The following RPS19 variants were observed in gnomAD, a reference collection of about 807,000 sequenced individuals.
RPS19 encodes the protein ribosomal protein S19, also known as small ribosomal subunit protein eS19.
A neutral mutation model predicts 20.3 loss-of-function variants in RPS19; 1 was observed. The observed-to-expected ratio is 0.05, with a 90% confidence interval of 0.02 to 0.23. The LOEUF (loss-of-function observed/expected upper bound fraction) is 0.23, where lower values mean the gene tolerates loss of function less well. Ranked by LOEUF, RPS19 falls within the 10% of genes least tolerant of loss-of-function variation. The pLI, the probability that RPS19 is intolerant of heterozygous loss-of-function variation, is 1.00. For missense variants in RPS19, 111 were observed against 192.7 expected (o/e 0.58, Z 2.51); for synonymous variants, 87 against 74.8 (o/e 1.16, Z -0.84).
In RPS19 at chr19:41,869,279, C is replaced by T. The variant is rs890428086; in HGVS notation, c.356+65C>T. 11 of 1,436,868 alleles carry T rather than the reference C, an allele frequency of 7.7e-6. No individual in the cohort carries two copies. The South Asian group carries it at 8.4e-5, about 11-fold the overall frequency. The allele number at this position is 1,436,868 out of a possible 1,614,324, so 89.0% of individuals were successfully genotyped here. On this transcript the variant is annotated intron_variant, in intron 4 of 5. Transcript: ENST00000598742. ...TGAGGCCCGGTCATCAATTCCCCAA[C>T]GAATGGTCCTGCATAGTCTGCCCAG...
chr19:41,865,629 G>A (rs1231321271), intron 3 of RPS19, among the ~76,000 whole-genome samples: 1 of 152,120 alleles, frequency 6.6e-6, no homozygotes, highest in Admixed American at 6.6e-5. Context: ...TCTGCGCTTA[G>A]GAGTGTGTGC....
intron 3 of RPS19, among the ~76,000 whole-genome samples, chr19:41,862,165 C>G (rs2074038866): frequency 6.6e-6 from 1 of 152,158 alleles, no homozygotes; most frequent in Non-Finnish European, 1.5e-5. Context: ...CAAAACTCCT[C>G]CATGACCCGG....
intron 3 of RPS19, among the ~76,000 whole-genome samples, chr19:41,866,411 G>C (rs2074090530): frequency 6.6e-6 from 1 of 152,234 alleles, no homozygotes; most frequent in East Asian, 1.9e-4. Context: ...TATTTGAGCT[G>C]GTCTGAAAGG....
chr19:41,872,459 C>T lies in RPS19; in HGVS notation c.*1082C>T, dbSNP rs782364447. 1 of 152,296 alleles carries T rather than the reference C, an allele frequency of 6.6e-6. No homozygotes were observed. The highest frequency in any genetic ancestry group is 1.5e-5 in the Non-Finnish European group (1 of 68,074). The allele number at this position is 152,296 out of a possible 1,614,324, so 9.4% of individuals were successfully genotyped here. A position where few individuals can be genotyped will look rare whatever the true frequency, so the allele number is the denominator to read the frequency against. ...CCCTAATCCCACGTAACCCTGTGCACCTTATCCTCTGAGCCTTCGTCTCCT... is the reference window on the plus strand; with the variant it reads ...CCCTAATCCCACGTAACCCTGTGCATCTTATCCTCTGAGCCTTCGTCTCCT... On this transcript the variant is annotated 3_prime_UTR_variant, in exon 6 of 6. Transcript: ENST00000598742.
rs2074030278 is a variant in RPS19, at chr19:41,861,373, G to T, written c.172+161G>T. ...GTGTGATGTGACATTCGATAACTTG[G>T]TACTCCAAGTTTTTATGACATTCTA... On this transcript the variant is annotated intron_variant, in intron 3 of 5. Coordinates refer to ENST00000598742, the MANE Select transcript of RPS19 (RefSeq NM_001022.4). 110 of 653,294 alleles carry T rather than the reference G, an allele frequency of 1.7e-4. 3 individuals carry two copies. In the South Asian group the frequency reaches 1.9e-3, roughly 11 times the overall value. 40.5% of individuals were successfully genotyped at this position (653,294 alleles called of 1,614,324 possible).
intron 3 of RPS19, among the ~76,000 whole-genome samples, chr19:41,868,352 T>A (rs1304448550): frequency 1.3e-5 from 2 of 152,216 alleles, no homozygotes; most frequent in African/African-American, 4.8e-5. Flanking sequence ...GACACACCTG[T>A]TGAGTCCTCA....
At chr19:41,868,180 T>C (rs935931321) in intron 3 of RPS19, among the ~76,000 whole-genome samples, 1 of 152,192 alleles carries the variant, frequency 6.6e-6, no homozygotes, top group Non-Finnish European at 1.5e-5. Flanking sequence ...GCTCCAGAGC[T>C]AGGCAGGACC....
rs1555839054 is a variant in RPS19 at position 41,860,825 on chromosome 19, T to C, written c.51T>C (p.Ala17=). Residue 17 remains alanine (A), a synonymous_variant, in exon 2 of 6, where the codon GCT becomes GCC. Coordinates refer to ENST00000598742, the MANE Select transcript of RPS19 (RefSeq NM_001022.4). ...KDVNQQEFVR[A]LAAFLKKSGK... is the part of the protein sequence containing the mutation. Reference sequence around the variant, plus strand: ...TGAACCAGCAGGAGTTCGTCAGAGCTCTGGCAGCCTTCCTCAAAAAGTGAG... The same window carrying C: ...TGAACCAGCAGGAGTTCGTCAGAGCCCTGGCAGCCTTCCTCAAAAAGTGAG... 6.2e-7 allele frequency: 1 copy of C among 1,613,846 alleles called. No homozygotes were observed. Among genetic ancestry groups the C allele is most frequent in the Non-Finnish European group, 8.5e-7 (1 of 1,179,830 alleles).
At chr19:41,864,910 T>C (rs1478904150) in intron 3 of RPS19, 3 of 152,212 alleles carry the variant, frequency 2.0e-5, no homozygotes, top group Non-Finnish European at 4.4e-5. Flanking sequence ...GTCAGTGTTT[T>C]AATAGAACGC....
At chr19:41,867,539 T>A (rs2074103070) in intron 3 of RPS19, among the ~76,000 whole-genome samples, 1 of 152,220 alleles carries the variant, frequency 6.6e-6, no homozygotes, top group African/African-American at 2.4e-5. Flanking sequence ...CTCAAACTCC[T>A]GACCTCAGGT....
In RPS19 at chr19:41,872,323, A is replaced by G. The variant is rs889053366; in HGVS notation, c.*946A>G. ...TGGGAAGACTAAACTGGTTTGGCCA[A>G]TATCTCCCAGGATTCCCCTGTCCAA... On this transcript the variant is annotated 3_prime_UTR_variant, in exon 6 of 6. Coordinates refer to ENST00000598742, the MANE Select transcript of RPS19 (RefSeq NM_001022.4). 4 of 152,254 alleles carry G rather than the reference A, an allele frequency of 2.6e-5. No individual in the cohort carries two copies. The highest frequency in any genetic ancestry group is 6.5e-5 in the Admixed American group (1 of 15,286). The allele number at this position is 152,254 out of a possible 1,614,324, so 9.4% of individuals were successfully genotyped here.
chr19:41,870,023 A>T (rs1003335379), intron 5 of RPS19, among the ~76,000 whole-genome samples: 17 of 152,130 alleles, frequency 1.1e-4, no homozygotes, highest in Admixed American at 6.6e-5. Context: ...CAGGCGAATT[A>T]TCTGAGGTCA....
chr19:41,863,022 C>A (rs1471433144), intron 3 of RPS19, among the ~76,000 whole-genome samples: 1 of 152,146 alleles, frequency 6.6e-6, no homozygotes, highest in African/African-American at 2.4e-5. Flanking sequence ...TCCTACCTGA[C>A]CCTTTATTAT....
At chr19:41,861,409 G>A in intron 3 of RPS19, 197 bp downstream of exon 3, 2 of 608,292 alleles carry the variant, frequency 3.3e-6, no homozygotes, top group East Asian at 2.9e-5. Flanking sequence ...AGAGCTTTGT[G>A]AGAGGAGGAC....
At chr19:41,865,452 T>A (rs1341548564) in intron 3 of RPS19, among the ~76,000 whole-genome samples, 3 of 151,840 alleles carry the variant, frequency 2.0e-5, no homozygotes, top group Non-Finnish European at 4.4e-5. Flanking sequence ...GTGTCTCCTT[T>A]AGTACCGCAG....
At position 41,869,206 on chromosome 19, in the gene RPS19, C is replaced by T; in HGVS notation, c.348C>T (p.Asp116=). 6.2e-7 allele frequency: 1 copy of T among 1,613,222 alleles called. No homozygotes were observed. The change falls in exon 4 of 6, where the codon GAC becomes GAT. Residue 116 remains aspartate (D), a synonymous_variant. Transcript: ENST00000598742. ...ALEGLKMVEK[D]QDGGRKLTPQ... Reference sequence around the variant, plus strand: ...AGGGGCTGAAAATGGTGGAAAAGGACCAAGATGGGTAAGCAGGGTAGAGGG... The same window carrying T: ...AGGGGCTGAAAATGGTGGAAAAGGATCAAGATGGGTAAGCAGGGTAGAGGG...
chr19:41,868,907 T>G, intron 3 of RPS19, 124 bp from the exon 4 acceptor site: 1 of 987,152 alleles, frequency 1.0e-6, no homozygotes, highest in Non-Finnish European at 1.5e-6. Flanking sequence ...AGTTTCTGGG[T>G]GTTAGTGTGT....
chr19:41,864,664 G>C (rs1356142541), intron 3 of RPS19: 1 of 152,360 alleles, frequency 6.6e-6, no homozygotes, highest in African/African-American at 2.4e-5. Flanking sequence ...TACAGTTCCA[G>C]GTAGGGGGTG....
chr19:41,870,698 T>G (rs1247943126), intron 5 of RPS19, among the ~76,000 whole-genome samples: 1 of 151,804 alleles, frequency 6.6e-6, no homozygotes, highest in Admixed American at 6.6e-5. Context: ...GAATGGAAAG[T>G]GTCAGCCCTC....
Sources: allele counts gnomAD v4.1 joint callset (sites outside exome capture counted in the v4.1 genomes callset), GRCh38; gene constraint gnomAD v4.1.1; transcripts MANE v1.5; gene names NCBI Gene and HGNC (gene_info 2026-07-23, HGNC 2026-07-21).